SMOC2: variants seen among roughly 807,000 people sequenced by gnomAD.
The protein encoded by SMOC2 is SPARC related modular calcium binding 2.
In SMOC2, 39 loss-of-function variants were observed where a neutral mutation model predicts 61.4. That is an observed-to-expected ratio of 0.64 (90% CI 0.49 to 0.83). The LOEUF (loss-of-function observed/expected upper bound fraction) is 0.83, where lower values mean the gene tolerates loss of function less well. Ranked by LOEUF, SMOC2 falls within the 40% of genes least tolerant of loss-of-function variation. The probability of loss-of-function intolerance (pLI) is 0.00; values close to 1 mark genes in which losing one functional copy is unlikely to be tolerated. For missense variants in SMOC2, 556 were observed against 592.9 expected, an observed-to-expected ratio of 0.94 and a Z score of 0.65; for synonymous variants, 247 against 239.9, an observed-to-expected ratio of 1.03 and a Z score of -0.27.
intron 9 of SMOC2, among the ~76,000 whole-genome samples, chr6:168,646,783 A>T (rs1278095994): frequency 6.6e-6 from 1 of 152,112 alleles, no homozygotes; most frequent in Non-Finnish European, 1.5e-5. Flanking sequence ...CAGCACCTTT[A>T]CTGTGGGGCA....
At chr6:168,534,922 C>G (rs1450338746) in intron 4 of SMOC2, among the ~76,000 whole-genome samples, 1 of 152,074 alleles carries the variant, frequency 6.6e-6, no homozygotes, top group Non-Finnish European at 1.5e-5. Flanking sequence ...TTGTATAGGT[C>G]TATTTAAAGA....
At chr6:168,455,547 A>G (rs1781563564) in intron 1 of SMOC2, among the ~76,000 whole-genome samples, 1 of 152,104 alleles carries the variant, frequency 6.6e-6, no homozygotes, top group South Asian at 2.1e-4. Context: ...ATACTTGTTT[A>G]TTGTTCCCTT....
At chr6:168,558,871 ATGTGTGTGCG>A (rs1562346854) in intron 7 of SMOC2, among the ~76,000 whole-genome samples, 2 of 148,616 alleles carry the variant, frequency 1.3e-5, no homozygotes, top group Admixed American at 6.7e-5. Context: ...ATGTGTGTGC[ATGTGTGTGCG>A]TGTGTGCGTG....
chr6:168,660,977 A>C (rs1413686536), intron 11 of SMOC2, among the ~76,000 whole-genome samples: 1 of 152,230 alleles, frequency 6.6e-6, no homozygotes, highest in African/African-American at 2.4e-5. Flanking sequence ...TTAGTAATCA[A>C]GAAGAAAGAA....
chr6:168,610,030 C>T (rs1049456703), intron 9 of SMOC2, among the ~76,000 whole-genome samples: 2 of 152,246 alleles, frequency 1.3e-5, no homozygotes, highest in Admixed American at 6.5e-5. Context: ...ACTCTAGACC[C>T]AGACTATTGA....
At chr6:168,529,613 G>C (rs1313179000) in intron 4 of SMOC2, among the ~76,000 whole-genome samples, 2 of 152,240 alleles carry the variant, frequency 1.3e-5, no homozygotes, top group Non-Finnish European at 2.9e-5. Context: ...GTCTATGCCA[G>C]GGTCACTTTG....
chr6:168,601,982 T>C (rs906119367), intron 8 of SMOC2, among the ~76,000 whole-genome samples: 3 of 152,218 alleles, frequency 2.0e-5, no homozygotes, highest in African/African-American at 7.2e-5. Context: ...AACATGAAAG[T>C]AAACAAATGG....
intron 1 of SMOC2, among the ~76,000 whole-genome samples, chr6:168,445,784 G>A (rs900214299): frequency 2.6e-5 from 4 of 152,170 alleles, no homozygotes; most frequent in Admixed American, 6.5e-5. Context: ...CATTTACATG[G>A]CGTCTAAAAA....
At chr6:168,575,906 C>T (rs1355554219) in intron 7 of SMOC2, among the ~76,000 whole-genome samples, 3 of 152,164 alleles carry the variant, frequency 2.0e-5, no homozygotes, top group Admixed American at 6.5e-5. Flanking sequence ...CTTGGGTGCC[C>T]TCCCAAGCAC....
chr6:168,599,707 CAG>C (rs1266728593), intron 8 of SMOC2, among the ~76,000 whole-genome samples: 1 of 138,162 alleles, frequency 7.2e-6, no homozygotes, highest in African/African-American at 2.6e-5. Context: ...CACACACCCA[CAG>C]TCACACACAA....
At chr6:168,617,006 A>G (rs373871470) in intron 9 of SMOC2, among the ~76,000 whole-genome samples, 1 of 152,216 alleles carries the variant, frequency 6.6e-6, no homozygotes, top group African/African-American at 2.4e-5. Context: ...AAGAAAGTGG[A>G]CAGGATGCAC....
chr6:168,546,977 G>A (rs932640221), intron 5 of SMOC2, 142 bp from the exon 6 acceptor site: 8 of 918,268 alleles, frequency 8.7e-6, no homozygotes, highest in Non-Finnish European at 1.4e-5. Context: ...AGGCAGCATC[G>A]CGTTGGGTCT....
At chr6:168,490,878 CTG>C (rs1782456926) in intron 1 of SMOC2, among the ~76,000 whole-genome samples, 1 of 152,226 alleles carries the variant, frequency 6.6e-6, no homozygotes, top group Non-Finnish European at 1.5e-5. Flanking sequence ...GGTGAGCCCT[CTG>C]TTGCTGCCCA....
chr6:168,566,503 A>T (rs1203134669), intron 7 of SMOC2, among the ~76,000 whole-genome samples: 1 of 135,406 alleles, frequency 7.4e-6, no homozygotes, highest in African/African-American at 2.8e-5. Flanking sequence ...TTTTTTTTGA[A>T]ACAGAGTCTT....
intron 7 of SMOC2, among the ~76,000 whole-genome samples, chr6:168,585,518 T>C (rs1289186177): frequency 6.6e-6 from 1 of 152,268 alleles, no homozygotes; most frequent in East Asian, 1.9e-4. Flanking sequence ...TACCAGGTAC[T>C]AGTCATTGTA....
At chr6:168,519,110 CGT>C (rs1233038517) in intron 2 of SMOC2, among the ~76,000 whole-genome samples, 3 of 113,820 alleles carry the variant, frequency 2.6e-5, no homozygotes, top group African/African-American at 3.5e-5. Flanking sequence ...TGTGTGAACG[CGT>C]GTGTATGCAT....
At chr6:168,533,003 A>G (rs746375557) in intron 4 of SMOC2, among the ~76,000 whole-genome samples, 3 of 151,906 alleles carry the variant, frequency 2.0e-5, no homozygotes, top group Non-Finnish European at 4.4e-5. Flanking sequence ...TGTAACATGC[A>G]AATTTATAAT....
intron 7 of SMOC2, among the ~76,000 whole-genome samples, chr6:168,562,429 C>T (rs1314501695): frequency 6.9e-6 from 1 of 145,588 alleles, no homozygotes; most frequent in South Asian, 2.4e-4. Context: ...CCCTGAGACA[C>T]GAGGCTCTCA....
chr6:168,633,093 G>C (rs1786612615), intron 9 of SMOC2, among the ~76,000 whole-genome samples: 1 of 152,210 alleles, frequency 6.6e-6, no homozygotes, highest in Non-Finnish European at 1.5e-5. Flanking sequence ...TGCTGTTTGA[G>C]GACGTAGGGC....
Sources: gnomAD v4.1 joint callset for allele counts (sites outside exome capture counted in the v4.1 genomes callset) on GRCh38, gnomAD v4.1.1 for gene constraint, MANE v1.5 for transcripts, NCBI Gene and HGNC (gene_info 2026-07-23, HGNC 2026-07-21) for gene names.